Variants in CUL4A observed in about 807,000 individuals in gnomAD.
CUL4A encodes cullin 4A, also known as cullin-4A.
CUL4A carries 16 observed loss-of-function variants against 95.5 expected under a neutral mutation model. That is an observed-to-expected ratio of 0.17 (90% CI 0.11 to 0.25). The LOEUF (loss-of-function observed/expected upper bound fraction) is 0.25. CUL4A is among the 10% of genes least tolerant of loss of function. The pLI is 1.00. For synonymous variants in CUL4A, 380 were observed against 353.1 expected (o/e 1.08, Z -0.85); for missense variants, 610 against 937.0 (o/e 0.65, Z 4.56).
chr13:113,243,746 G>C (rs2041785728), intron 11 of CUL4A, among the ~76,000 whole-genome samples: 2 of 152,084 alleles, frequency 1.3e-5, no homozygotes, highest in Admixed American at 6.6e-5. Context: ...ATTACAAAAT[G>C]TTTAAAAGAA....
At chr13:113,222,290 C>CTG (rs2040927124) in intron 3 of CUL4A, among the ~76,000 whole-genome samples, 1 of 152,216 alleles carries the variant, frequency 6.6e-6, no homozygotes, top group Non-Finnish European at 1.5e-5. Context: ...GTTAGTGTGC[C>CTG]TGTGTGTGTG....
At chr13:113,216,557 A>T (rs997960597) in intron 2 of CUL4A, among the ~76,000 whole-genome samples, 27 of 152,246 alleles carry the variant, frequency 1.8e-4, no homozygotes, top group African/African-American at 6.0e-4. Context: ...TCTACCTCCG[A>T]TCATTGGATT....
intron 8 of CUL4A, among the ~76,000 whole-genome samples, chr13:113,236,617 T>C (rs1214939557): frequency 6.6e-6 from 1 of 152,180 alleles, no homozygotes; most frequent in Non-Finnish European, 1.5e-5. Context: ...CTTGTGCTGT[T>C]CAGTAGGTGG....
At chr13:113,237,545 T>C (rs368397136) in intron 9 of CUL4A, among the ~76,000 whole-genome samples, 5 of 152,222 alleles carry the variant, frequency 3.3e-5, no homozygotes, top group African/African-American at 1.2e-4. Flanking sequence ...TTGCTGTTTT[T>C]TCTAGGCTTC....
chr13:113,251,012 AAC>A (rs1195804825), intron 15 of CUL4A, among the ~76,000 whole-genome samples: 3 of 152,170 alleles, frequency 2.0e-5, no homozygotes, highest in Non-Finnish European at 4.4e-5. Flanking sequence ...CTTAGACAGA[AAC>A]ACAGAGAAAC....
chr13:113,233,855 T>G, intron 6 of CUL4A, 42 bp from the exon 7 acceptor site: 1 of 1,082,432 alleles, frequency 9.2e-7, no homozygotes. Flanking sequence ...TGAAGATAGT[T>G]TCCTTTACTG....
chr13:113,244,795 G>A lies in CUL4A; in HGVS notation c.1334-154G>A, dbSNP rs3764126. ...GCGGAGCTTGCAGTGAGCCGAGATC[G>A]CGCCACTGCACTCCAGCCTGGGCAA... On this transcript the variant is annotated intron_variant, in intron 12 of 19. Transcript: ENST00000375440. Among the ~76,000 whole-genome samples the A allele has an allele frequency of 0.015, 2,296 of 150,986 alleles. 154 individuals carry two copies. The East Asian group carries it at 0.2, about 13-fold the overall frequency.
intron 10 of CUL4A, among the ~76,000 whole-genome samples, chr13:113,241,083 C>CA (rs2041695287): frequency 6.6e-6 from 1 of 152,212 alleles, no homozygotes; most frequent in African/African-American, 2.4e-5. Context: ...AGCCAGCACT[C>CA]ACAGCACCCC....
intron 2 of CUL4A, among the ~76,000 whole-genome samples, chr13:113,210,675 T>C (rs887899270): frequency 2.6e-5 from 4 of 152,258 alleles, no homozygotes; most frequent in Admixed American, 2.6e-4. Context: ...ATTTTATTTA[T>C]AAGCGACTTT....
intron 2 of CUL4A, 61 bp downstream of exon 2, chr13:113,210,149 G>C: frequency 2.5e-6 from 3 of 1,202,684 alleles, no homozygotes; most frequent in African/African-American, 1.6e-5. Context: ...GACGCGGCCG[G>C]GCGGCCGCTC....
At chr13:113,229,743 C>G in intron 5 of CUL4A, 1 of 531,112 alleles carries the variant, frequency 1.9e-6, no homozygotes, top group Non-Finnish European at 3.3e-6. Context: ...CTCGGACAGG[C>G]GGCTGACTTT....
chr13:113,253,042 G>A, intron 15 of CUL4A, 40 bp from the exon 16 acceptor site: 2 of 960,990 alleles, frequency 2.1e-6, no homozygotes, highest in Non-Finnish European at 3.2e-6. Context: ...TGAGATGGAT[G>A]GTGTGTGGCA....
intron 19 of CUL4A, among the ~76,000 whole-genome samples, chr13:113,261,928 G>A (rs1442233328): frequency 2.0e-5 from 3 of 152,088 alleles, no homozygotes; most frequent in Admixed American, 6.6e-5. Context: ...TTACAGGCAC[G>A]CGCCACCACA....
rs773846770 is a variant in CUL4A at position 113,245,289 on chromosome 13, T to A, written c.1530+52T>A. 8.0e-6 allele frequency: 12 copies of A among 1,492,154 alleles called. No individual in the cohort carries two copies. In the South Asian group the frequency reaches 1.4e-4, roughly 17 times the overall value. 92.4% of individuals were successfully genotyped at this position (1,492,154 alleles called of 1,614,324 possible). A position where few individuals can be genotyped will look rare whatever the true frequency, so the allele number is the denominator to read the frequency against. ...GCTTTTTAAAAAGTATCTGTTAGTG[T>A]GGTGGCTCATGCCTGTAATCCCAGC... On this transcript the variant is annotated intron_variant, in intron 14 of 19. Coordinates refer to ENST00000375440, the MANE Select transcript of CUL4A (RefSeq NM_001008895.4).
intron 6 of CUL4A, 39 bp from the exon 7 acceptor site, chr13:113,233,858 C>T (rs770552966): frequency 4.5e-6 from 5 of 1,110,066 alleles, no homozygotes; most frequent in African/African-American, 3.1e-5. Context: ...AGATAGTTTC[C>T]TTTACTGAAA....
chr13:113,248,064 G>A (rs1283631566), intron 15 of CUL4A, among the ~76,000 whole-genome samples: 2 of 152,110 alleles, frequency 1.3e-5, no homozygotes, highest in Non-Finnish European at 2.9e-5. Flanking sequence ...GGTGACATTC[G>A]ATAGGATCCT....
chr13:113,250,101 A>G (rs1489533639), intron 15 of CUL4A, among the ~76,000 whole-genome samples: 1 of 152,176 alleles, frequency 6.6e-6, no homozygotes, highest in African/African-American at 2.4e-5. Context: ...GTAAAATCAC[A>G]TTTATTTTCT....
Position 113,218,961 on chromosome 13 carries a change from G to C in CUL4A, c.281G>C (p.Cys94Ser). Reference protein sequence around the residue: ...EELYQAVENLCSHKVSPMLYK... With the variant: ...EELYQAVENLSSHKVSPMLYK... ...TGTTTGCAGGCTGTGGAAAATCTCT[G>C]TTCTCACAAAGTCTCCCCAATGCTC... is the stretch of plus-strand genomic sequence containing the variant. Residue 94 changes from cysteine to serine, a missense_variant, in exon 3 of 20, where the codon TGT becomes TCT. This residue lies in a region of CUL4A where 168 missense variants were observed against 185.5 expected (regional missense o/e 0.91). Transcript: ENST00000375440. The C allele has an allele frequency of 6.2e-7, 1 of 1,612,800 alleles. No individual in the cohort carries two copies.
chr13:113,255,709 G>A (rs1363694929), intron 18 of CUL4A, among the ~76,000 whole-genome samples: 1 of 152,086 alleles, frequency 6.6e-6, no homozygotes, highest in East Asian at 1.9e-4. Context: ...ACGTATTTGA[G>A]GTTCACCGTG....
Sources: allele counts gnomAD v4.1 joint callset (sites outside exome capture counted in the v4.1 genomes callset), GRCh38; gene constraint gnomAD v4.1.1; regional missense constraint gnomAD v4.1.1; transcripts MANE v1.5; gene names NCBI Gene and HGNC (gene_info 2026-07-23, HGNC 2026-07-21).